CELF2: variants seen among roughly 807,000 people sequenced by gnomAD.
The protein encoded by CELF2 is CUG triplet repeat RNA-binding protein 2.
In CELF2, 8 loss-of-function variants were observed where a neutral mutation model predicts 62.6. That is an observed-to-expected ratio of 0.13 (90% confidence interval 0.07 to 0.23). The LOEUF (loss-of-function observed/expected upper bound fraction) is 0.23, where lower values mean the gene tolerates loss of function less well. CELF2 is among the 10% of genes least tolerant of loss of function. The pLI is 1.00. For synonymous variants in CELF2, 258 were observed against 250.0 expected (o/e 1.03, Z -0.30); for missense variants, 333 against 671.0 (o/e 0.50, Z 5.56).
chr10:10,622,078 C>G, the CELF2 span, among the ~76,000 whole-genome samples: 1 of 152,214 alleles, frequency 6.6e-6, no homozygotes, highest in Non-Finnish European at 1.5e-5. Context: ...AGTAGCCACA[C>G]CTAAGCCTTG....
At chr10:11,176,097 G>A (rs2070987229) in intron 2 of CELF2, among the ~76,000 whole-genome samples, 1 of 152,124 alleles carries the variant, frequency 6.6e-6, no homozygotes, top group Admixed American at 6.5e-5. Flanking sequence ...TGAAGTGAGA[G>A]AACATTAGAG....
At chr10:10,548,178 C>T in the CELF2 span, among the ~76,000 whole-genome samples, 1 of 152,206 alleles carries the variant, frequency 6.6e-6, no homozygotes, top group East Asian at 1.9e-4. Context: ...TCCCAGTTCC[C>T]TCGTCTCTTA....
chr10:11,036,859 A>G (rs981248166), intron 1 of CELF2, among the ~76,000 whole-genome samples: 1 of 152,014 alleles, frequency 6.6e-6, no homozygotes, highest in African/African-American at 2.4e-5. Flanking sequence ...GTATTTGGCA[A>G]TTTGTCTCCT....
At chr10:10,589,116 T>C in the CELF2 span, among the ~76,000 whole-genome samples, 2 of 152,172 alleles carry the variant, frequency 1.3e-5, no homozygotes, top group Non-Finnish European at 2.9e-5. Context: ...AGATGTACGA[T>C]GTACATTGGT....
the CELF2 span, among the ~76,000 whole-genome samples, chr10:10,708,679 A>C: frequency 6.6e-6 from 1 of 152,186 alleles, no homozygotes; most frequent in Non-Finnish European, 1.5e-5. Context: ...TTTTATTAAC[A>C]ATAGCTCATG....
Position 11,306,783 on chromosome 10 carries a change from CG to C in CELF2, c.977-7355del, listed in dbSNP as rs1310988234. Among the ~76,000 whole-genome samples, 1 of 152,060 alleles carries C rather than the reference CG, an allele frequency of 6.6e-6. No homozygotes were observed. The highest frequency in any genetic ancestry group is 1.5e-5 in the Non-Finnish European group (1 of 68,018). Reference sequence around the variant, plus strand: ...CGTCTCCCCAACTTTCTACTGGGACCGTCTAAGAACAGCGTAGTAAGAAGTG... The same window carrying C: ...CGTCTCCCCAACTTTCTACTGGGACCTCTAAGAACAGCGTAGTAAGAAGTG... On this transcript the variant is annotated intron_variant, in intron 9 of 12. Transcript: ENST00000633077. The surrounding 1 kb of genome is among the most constrained non-coding windows in gnomAD (Gnocchi z 4.4).
chr10:10,899,980 CCT>C (rs566138179), intron 1 of CELF2, among the ~76,000 whole-genome samples: 43 of 152,272 alleles, frequency 2.8e-4, no homozygotes, highest in Admixed American at 2.6e-3. Context: ...AGAGCCAACC[CCT>C]GTTTTAAATG....
At position 11,034,528 on chromosome 10, in the gene CELF2, A is replaced by T. The variant is rs1034013866; in HGVS notation, c.74+16365A>T. Among the ~76,000 whole-genome samples, 5 of 152,240 alleles carry T rather than the reference A, an allele frequency of 3.3e-5. No individual in the cohort carries two copies. In the East Asian group the frequency reaches 9.6e-4, roughly 29 times the overall value. On this transcript the variant is annotated intron_variant, in intron 1 of 12. Transcript: ENST00000633077. ...TCATGTGTTCCTTATTACTAAGAAC[A>T]CTGGAAGAAACTGTTGATTGGTGGA...
intron 2 of CELF2, among the ~76,000 whole-genome samples, chr10:10,980,350 C>T (rs541641498): frequency 5.3e-5 from 8 of 152,322 alleles, no homozygotes; most frequent in Middle Eastern, 6.8e-3. Context: ...TCTTCCCCCC[C>T]CAAGATGGTA....
intron 1 of CELF2, among the ~76,000 whole-genome samples, chr10:11,045,313 T>C (rs1376462719): frequency 3.9e-5 from 6 of 152,166 alleles, no homozygotes. Flanking sequence ...AAGTTGCTCA[T>C]GCTGGTCTAG....
chr10:10,970,406 G>A (rs2050637313), intron 2 of CELF2, among the ~76,000 whole-genome samples: 1 of 152,134 alleles, frequency 6.6e-6, no homozygotes. Flanking sequence ...AAGGATTAAA[G>A]TGGAATGTTA....
the CELF2 span, among the ~76,000 whole-genome samples, chr10:10,718,944 C>G: frequency 3.3e-5 from 5 of 149,772 alleles, no homozygotes; most frequent in Non-Finnish European, 5.9e-5. Context: ...AACTGTTTTT[C>G]TGAAATAGTT....
At chr10:10,780,454 CGTT>C in the CELF2 span, among the ~76,000 whole-genome samples, 1 of 149,074 alleles carries the variant, frequency 6.7e-6, no homozygotes, top group Non-Finnish European at 1.5e-5. Flanking sequence ...CAGAGGGAAA[CGTT>C]TGTTTGTTTG....
the CELF2 span, among the ~76,000 whole-genome samples, chr10:10,545,275 G>A: frequency 6.6e-6 from 1 of 152,312 alleles, no homozygotes; most frequent in African/African-American, 2.4e-5. Flanking sequence ...ATGTATGTGT[G>A]CTGGTATGTT....
intron 1 of CELF2, among the ~76,000 whole-genome samples, chr10:11,099,131 A>G (rs990283338): frequency 3.9e-5 from 6 of 152,208 alleles, no homozygotes; most frequent in African/African-American, 1.4e-4. Context: ...GGAAGGAACT[A>G]TTTGAAAAAC....
chr10:11,170,754 G>A (rs572658430), intron 2 of CELF2, among the ~76,000 whole-genome samples: 1 of 152,276 alleles, frequency 6.6e-6, no homozygotes, highest in South Asian at 2.1e-4. Context: ...GTTCAAGCGA[G>A]ACCATACTTG....
At chr10:10,895,147 A>G (rs1013143942) in intron 1 of CELF2, among the ~76,000 whole-genome samples, 1 of 152,176 alleles carries the variant, frequency 6.6e-6, no homozygotes, top group Non-Finnish European at 1.5e-5. Context: ...ACGTTAGAGT[A>G]CCAAGATTTG....
intron 1 of CELF2, among the ~76,000 whole-genome samples, chr10:10,909,386 G>T (rs1426552594): frequency 6.6e-6 from 1 of 152,208 alleles, no homozygotes; most frequent in Non-Finnish European, 1.5e-5. Flanking sequence ...GACAGCGGAA[G>T]TCCAGGGGCT....
the CELF2 span, among the ~76,000 whole-genome samples, chr10:10,613,485 A>C: frequency 6.6e-6 from 1 of 152,256 alleles, no homozygotes; most frequent in African/African-American, 2.4e-5. Flanking sequence ...TAAACTCATA[A>C]GAGAATGCTT....
Sources: gnomAD v4.1 joint callset for allele counts (sites outside exome capture counted in the v4.1 genomes callset) on GRCh38, gnomAD v4.1.1 for gene constraint, Gnocchi (gnomAD v3.1) non-coding constraint, MANE v1.5 for transcripts, NCBI Gene and HGNC (gene_info 2026-07-23, HGNC 2026-07-21) for gene names.